Variants in DGKD observed in about 807,000 individuals in gnomAD.
DGKD encodes diacylglycerol kinase delta, also known as DAG kinase delta.
In DGKD, 68 loss-of-function variants were observed where a neutral mutation model predicts 154.4. The ratio of observed to expected loss-of-function variants is 0.44; its 90% CI spans 0.36 to 0.54. The LOEUF (loss-of-function observed/expected upper bound fraction) is 0.54. DGKD is among the 20% of genes least tolerant of loss of function. DGKD has a pLI of 0.00. For synonymous variants in DGKD, 693 were observed against 638.0 expected (o/e 1.09, Z -1.30); for missense variants, 1,343 against 1,593.6 (o/e 0.84, Z 2.68).
chr2:233,419,624 T>C (rs2062052102), intron 3 of DGKD, among the ~76,000 whole-genome samples: 1 of 152,244 alleles, frequency 6.6e-6, no homozygotes, highest in South Asian at 2.1e-4. Context: ...ACTCATGTGC[T>C]AGAAACATTC....
At chr2:233,425,381 G>T (rs2062260473) in intron 3 of DGKD, among the ~76,000 whole-genome samples, 1 of 152,004 alleles carries the variant, frequency 6.6e-6, no homozygotes, top group South Asian at 2.1e-4. Context: ...TAGAGACAGG[G>T]TTTCACTGTG....
intron 3 of DGKD, among the ~76,000 whole-genome samples, chr2:233,412,071 A>C (rs1376138309): frequency 1.3e-5 from 2 of 152,156 alleles, no homozygotes; most frequent in Non-Finnish European, 2.9e-5. Context: ...GTTCTTTTCT[A>C]ACATAGCTTT....
At chr2:233,370,575 T>C in intron 1 of DGKD, among the ~76,000 whole-genome samples, 1 of 149,500 alleles carries the variant, frequency 6.7e-6, no homozygotes. Flanking sequence ...TTCTTCTTTT[T>C]TTTTTTTTTT....
intron 14 of DGKD, among the ~76,000 whole-genome samples, chr2:233,448,658 CA>C (rs2063165529): frequency 6.6e-6 from 1 of 152,212 alleles, no homozygotes; most frequent in Non-Finnish European, 1.5e-5. Context: ...AGAAGTATCC[CA>C]TTGGCCACTT....
At chr2:233,371,808 C>T (rs1046754561) in intron 1 of DGKD, among the ~76,000 whole-genome samples, 3 of 152,226 alleles carry the variant, frequency 2.0e-5, no homozygotes, top group African/African-American at 7.2e-5. Context: ...CAGTTGGAGT[C>T]TGCCTCCCCA....
chr2:233,419,486 A>C (rs2062047771), intron 3 of DGKD: 1 of 976,858 alleles, frequency 1.0e-6, no homozygotes. Flanking sequence ...GTTCAAGGTC[A>C]GGGTTTGGAA....
intron 1 of DGKD, among the ~76,000 whole-genome samples, chr2:233,358,869 A>G (rs1413945380): frequency 6.6e-6 from 1 of 152,172 alleles, no homozygotes; most frequent in Admixed American, 6.5e-5. Context: ...ATTCATGCAC[A>G]TGTTTTTGTG....
At chr2:233,429,681 C>T (rs2062441608) in intron 3 of DGKD, among the ~76,000 whole-genome samples, 2 of 152,246 alleles carry the variant, frequency 1.3e-5, no homozygotes, top group Admixed American at 1.3e-4. Flanking sequence ...GGGGGGTGTC[C>T]TCTGGAGGGA....
intron 2 of DGKD, chr2:233,388,598 T>C (rs1248360798): frequency 7.7e-6 from 3 of 390,430 alleles, no homozygotes; most frequent in Middle Eastern, 6.8e-4. Flanking sequence ...TCATCGGTAA[T>C]GGGGAAAAGG....
intron 1 of DGKD, among the ~76,000 whole-genome samples, chr2:233,367,100 A>G (rs1559473514): frequency 6.6e-6 from 1 of 152,076 alleles, no homozygotes; most frequent in Non-Finnish European, 1.5e-5. Flanking sequence ...TTTACGCATC[A>G]TCTTTGGTTG....
intron 3 of DGKD, among the ~76,000 whole-genome samples, chr2:233,413,023 G>T (rs1410363783): frequency 6.6e-6 from 1 of 152,096 alleles, no homozygotes; most frequent in African/African-American, 2.4e-5. Flanking sequence ...ATTCATGAAG[G>T]TATTGATCTG....
chr2:233,421,046 C>T (rs1039050024), intron 3 of DGKD, among the ~76,000 whole-genome samples: 13 of 152,164 alleles, frequency 8.5e-5, no homozygotes, highest in African/African-American at 3.1e-4. Context: ...TATGAGTGAT[C>T]TCATTTCTAT....
At chr2:233,388,114 A>G (rs1179382249) in intron 1 of DGKD, 143 bp from the exon 2 acceptor site, 1 of 1,502,604 alleles carries the variant, frequency 6.7e-7, no homozygotes, top group African/African-American at 1.4e-5. Flanking sequence ...GCCTGTGCAT[A>G]GGTCAAGGTC....
intron 1 of DGKD, chr2:233,386,108 TC>T: frequency 2.6e-6 from 1 of 383,616 alleles, no homozygotes; most frequent in Admixed American, 3.0e-5. Flanking sequence ...CCAGCATCTG[TC>T]CTTTAAAGAT....
intron 3 of DGKD, among the ~76,000 whole-genome samples, chr2:233,432,514 C>T (rs898663363): frequency 3.3e-4 from 50 of 152,172 alleles, no homozygotes; most frequent in Non-Finnish European, 6.2e-4. Flanking sequence ...AAAAAATTAG[C>T]TGGGTGTGGT....
At chr2:233,468,692 G>T (rs768870403) in intron 29 of DGKD, 139 bp downstream of exon 29, 2 of 1,364,884 alleles carry the variant, frequency 1.5e-6, no homozygotes, top group Admixed American at 2.2e-5. Context: ...AGGTGGGGGC[G>T]GCTGTGGCCC....
chr2:233,395,103 A>G (rs1289332971), intron 3 of DGKD, among the ~76,000 whole-genome samples: 1 of 152,158 alleles, frequency 6.6e-6, no homozygotes, highest in Non-Finnish European at 1.5e-5. Context: ...TTCTGCTGTC[A>G]GGATTCTTGC....
At position 233,438,233 on chromosome 2, in the gene DGKD, C is replaced by T; in HGVS notation, c.939C>T (p.Ser313=). 1 of 1,614,070 alleles carries T rather than the reference C, an allele frequency of 6.2e-7. No homozygotes were observed. Among genetic ancestry groups the T allele is most frequent in the African/African-American group, 1.3e-5 (1 of 75,042 alleles). Reference sequence around the variant, plus strand: ...TGCGTCCAGGGTTCTGGAAGGCCAGCTGTCCTCCTTCTTGCACAAGCCCAC... The same window carrying T: ...TGCGTCCAGGGTTCTGGAAGGCCAGTTGTCCTCCTTCTTGCACAAGCCCAC... ...SIDSDGFWKA[S]CPPSCTSPLL... is the part of the protein sequence containing the mutation. Residue 313 remains serine (S), a synonymous_variant, in exon 9 of 30, where the codon AGC becomes AGT. Transcript: ENST00000264057. The surrounding 1 kb of genome is among the most constrained non-coding windows in gnomAD (Gnocchi z 4.1).
At chr2:233,460,067 G>GT (rs1341556746) in intron 23 of DGKD, 127 bp from the exon 24 acceptor site, 5 of 1,452,002 alleles carry the variant, frequency 3.4e-6, no homozygotes, top group Non-Finnish European at 4.5e-6. Context: ...TTCCCCTAAT[G>GT]TTAAAAAAAA....
Sources: allele counts gnomAD v4.1 joint callset (sites outside exome capture counted in the v4.1 genomes callset), GRCh38; gene constraint gnomAD v4.1.1; non-coding constraint Gnocchi (gnomAD v3.1); transcripts MANE v1.5; gene names NCBI Gene and HGNC (gene_info 2026-07-23, HGNC 2026-07-21).